Variants in DENND2B observed in about 807,000 individuals in gnomAD.
DENND2B encodes DENN domain containing 2B, also known as DENN domain-containing protein 2B.
Under a neutral mutation model 116.0 loss-of-function variants are expected in DENND2B, and 32 were observed. The ratio of observed to expected loss-of-function variants is 0.28; its 90% confidence interval spans 0.21 to 0.37. The LOEUF is 0.37. Ranked by LOEUF, DENND2B falls within the 10% of genes least tolerant of loss-of-function variation. DENND2B has a pLI of 1.00. For missense variants in DENND2B, 1,276 were observed against 1,477.7 expected, an observed-to-expected ratio of 0.86 and a Z score of 2.24; for synonymous variants, 588 against 583.9, an observed-to-expected ratio of 1.01 and a Z score of -0.10.
chr11:8,880,384 T>TGTGTGTGTGTGTG (rs1566080061), intron 2 of DENND2B, among the ~76,000 whole-genome samples: 6 of 149,984 alleles, frequency 4.0e-5, no homozygotes, highest in South Asian at 2.1e-4. Context: ...TGTGTGTGTG[T>TGTGTGTGTGTGTG]AGTTTTTACT....
chr11:8,785,034 T>A (rs1052053929), intron 1 of DENND2B: 4 of 152,148 alleles, frequency 2.6e-5, no homozygotes, highest in Non-Finnish European at 5.9e-5. Flanking sequence ...CTGGATGTAG[T>A]ACCCCCTCTA....
intron 4 of DENND2B, among the ~76,000 whole-genome samples, chr11:8,722,359 G>T (rs1283602362): frequency 6.6e-6 from 1 of 152,168 alleles, no homozygotes; most frequent in Non-Finnish European, 1.5e-5. Context: ...TGAGCACTAG[G>T]CTCTCTGCCT....
intron 1 of DENND2B, chr11:8,809,724 A>G (rs919556036): frequency 6.6e-6 from 1 of 152,198 alleles, no homozygotes; most frequent in Non-Finnish European, 1.5e-5. Context: ...GTCAAAATGT[A>G]ACCAAAGGAA....
intron 8 of DENND2B, 148 bp downstream of exon 8, chr11:8,713,850 G>A (rs2044229572): frequency 2.5e-6 from 2 of 799,004 alleles, no homozygotes; most frequent in African/African-American, 1.7e-5. Flanking sequence ...GTGGCTCCCT[G>A]CTCTATTGTT....
At chr11:8,797,650 T>A (rs2059952487) in intron 1 of DENND2B, among the ~76,000 whole-genome samples, 1 of 151,832 alleles carries the variant, frequency 6.6e-6, no homozygotes, top group African/African-American at 2.4e-5. Context: ...AGTGCCATGA[T>A]CATAGCTCAC....
intron 3 of DENND2B, among the ~76,000 whole-genome samples, chr11:8,845,727 A>C (rs2062788128): frequency 6.6e-6 from 1 of 152,224 alleles, no homozygotes; most frequent in East Asian, 1.9e-4. Context: ...TGGAAAGGGG[A>C]CATAGAAAGT....
At chr11:8,695,332 T>A (rs2040168656) in intron 19 of DENND2B, 131 bp downstream of exon 19, 1 of 849,268 alleles carries the variant, frequency 1.2e-6, no homozygotes, top group African/African-American at 1.7e-5. Flanking sequence ...CTATGGGATG[T>A]CTACATCCTG....
At chr11:8,883,727 A>G (rs1205044023) in intron 1 of DENND2B, among the ~76,000 whole-genome samples, 1 of 152,244 alleles carries the variant, frequency 6.6e-6, no homozygotes, top group Non-Finnish European at 1.5e-5. Context: ...CCACATTTTC[A>G]TCAGAAGCTT....
At position 8,869,039 on chromosome 11, in the gene DENND2B, G is replaced by A. The variant is rs145666755; in HGVS notation, c.-250+1915C>T. Among the ~76,000 whole-genome samples, 585 of 152,202 alleles carry A rather than the reference G, an allele frequency of 3.8e-3. 8 individuals are homozygous for A. The highest frequency in any genetic ancestry group is 0.014 in the African/African-American group (566 of 41,498). Reference sequence around the variant, plus strand: ...CTTAGAGTCAGTGTATTTTACATGCGGCCCCAGGCGATTCTTCTTCCAGTG... The same window carrying A: ...CTTAGAGTCAGTGTATTTTACATGCAGCCCCAGGCGATTCTTCTTCCAGTG... On this transcript the variant is annotated intron_variant, in intron 2 of 6. Transcript: ENST00000524757.
intron 1 of DENND2B, among the ~76,000 whole-genome samples, chr11:8,770,457 T>A (rs1257338860): frequency 2.6e-5 from 4 of 152,160 alleles, no homozygotes; most frequent in African/African-American, 9.7e-5. Context: ...AATTAACATA[T>A]GTAAAGTGCC....
chr11:8,899,133 T>C (rs1397726510), intron 1 of DENND2B, among the ~76,000 whole-genome samples: 2 of 151,928 alleles, frequency 1.3e-5, no homozygotes, highest in Admixed American at 6.6e-5. Flanking sequence ...AACTGGAAGA[T>C]AGATAGATCA....
intron 2 of DENND2B, among the ~76,000 whole-genome samples, chr11:8,879,661 A>G (rs1467638310): frequency 6.6e-6 from 1 of 152,096 alleles, no homozygotes; most frequent in Non-Finnish European, 1.5e-5. Context: ...AGAATAAAAT[A>G]TTTGTCCTCT....
At position 8,701,298 on chromosome 11, in the gene DENND2B, G is replaced by C. The variant is rs150642393; in HGVS notation, c.2720+1274C>G. Reference sequence around the variant, plus strand: ...TTCCCACGTGTGTAGAACATCAGGCGCCCTACATTCGCATATTAAAAGGCT... The same window carrying C: ...TTCCCACGTGTGTAGAACATCAGGCCCCCTACATTCGCATATTAAAAGGCT... On this transcript the variant is annotated intron_variant, in intron 14 of 19. Coordinates refer to ENST00000313726, the MANE Select transcript of DENND2B (RefSeq NM_213618.2). Among the ~76,000 whole-genome samples the C allele has an allele frequency of 1.5e-4, 20 of 131,126 alleles. No homozygotes were observed. In the Admixed American group the frequency reaches 1.8e-3, roughly 12 times the overall value. The allele number at this position is 131,126 out of a possible 152,430, so 86.0% of individuals were successfully genotyped here.
At chr11:8,807,162 G>A (rs905560294) in intron 1 of DENND2B, among the ~76,000 whole-genome samples, 31 of 152,160 alleles carry the variant, frequency 2.0e-4, no homozygotes, top group African/African-American at 7.0e-4. Context: ...TGGCTGCCTC[G>A]GCCGACTCTC....
chr11:8,880,412 A>G (rs2063892321), intron 2 of DENND2B, among the ~76,000 whole-genome samples: 1 of 150,124 alleles, frequency 6.7e-6, no homozygotes, highest in South Asian at 2.1e-4. Context: ...GTGATTTATT[A>G]TATGTAATTG....
chr11:8,708,169 C>T, intron 11 of DENND2B: 3 of 1,295,630 alleles, frequency 2.3e-6, no homozygotes, highest in Non-Finnish European at 3.0e-6. Flanking sequence ...GCAGAGGCTA[C>T]AGGGTGTCTG....
chr11:8,711,711 T>C (rs1043597631), intron 9 of DENND2B, among the ~76,000 whole-genome samples: 8 of 151,830 alleles, frequency 5.3e-5, no homozygotes, highest in Admixed American at 4.6e-4. Flanking sequence ...CTACTAAAAA[T>C]ACAAAATTAG....
At chr11:8,728,348 A>G (rs1352744362) in intron 3 of DENND2B, among the ~76,000 whole-genome samples, 1 of 152,004 alleles carries the variant, frequency 6.6e-6, no homozygotes, top group Non-Finnish European at 1.5e-5. Flanking sequence ...TAAGAATCAC[A>G]CTTGGTATAA....
chr11:8,860,447 T>A (rs2063352737), intron 2 of DENND2B, among the ~76,000 whole-genome samples: 1 of 150,952 alleles, frequency 6.6e-6, no homozygotes, highest in South Asian at 2.1e-4. Context: ...TTTTAATACC[T>A]TCAAAAACAA....
Sources: allele counts gnomAD v4.1 joint callset (sites outside exome capture counted in the v4.1 genomes callset), GRCh38; gene constraint gnomAD v4.1.1; transcripts MANE v1.5; gene names NCBI Gene and HGNC (gene_info 2026-07-23, HGNC 2026-07-21).